FAF1: variants seen among roughly 807,000 people sequenced by gnomAD.
FAF1 encodes the protein Fas associated factor 1.
Under a neutral mutation model 92.5 loss-of-function variants are expected in FAF1, and 25 were observed. The ratio of observed to expected loss-of-function variants is 0.27; its 90% CI spans 0.20 to 0.38. FAF1 has a LOEUF of 0.38. Among genes scored for constraint, FAF1 ranks in the 10% least tolerant of loss-of-function variants. The pLI, the probability that FAF1 is intolerant of heterozygous loss-of-function variation, is 1.00. For missense variants in FAF1, 636 were observed against 793.3 expected (o/e 0.80, Z 2.38); for synonymous variants, 234 against 273.2 (o/e 0.86, Z 1.42).
chr1:50,664,681 C>A (rs1446596524), intron 7 of FAF1, among the ~76,000 whole-genome samples: 1 of 152,272 alleles, frequency 6.6e-6, no homozygotes, highest in South Asian at 2.1e-4. Context: ...GTAGTCCCAG[C>A]TACTCAGGAG....
chr1:50,688,078 G>T (rs1258698539), intron 7 of FAF1, among the ~76,000 whole-genome samples: 1 of 151,374 alleles, frequency 6.6e-6, no homozygotes, highest in African/African-American at 2.4e-5. Context: ...GAGCTTGCAG[G>T]GAGCCGAGAT....
chr1:50,727,831 T>A (rs922376720), intron 6 of FAF1, among the ~76,000 whole-genome samples: 4 of 152,184 alleles, frequency 2.6e-5, no homozygotes, highest in African/African-American at 9.7e-5. Flanking sequence ...AAGTTCAGAC[T>A]CCAAGTTCTT....
chr1:50,916,199 C>A (rs1023311679), intron 1 of FAF1, among the ~76,000 whole-genome samples: 4 of 152,142 alleles, frequency 2.6e-5, no homozygotes, highest in African/African-American at 9.7e-5. Flanking sequence ...AGGCACCATG[C>A]TAATTCTTAT....
intron 2 of FAF1, among the ~76,000 whole-genome samples, chr1:50,838,873 A>C (rs1015327819): frequency 6.6e-6 from 1 of 152,154 alleles, no homozygotes; most frequent in Non-Finnish European, 1.5e-5. Context: ...TGGCCAATCC[A>C]TCAGATGGTG....
At chr1:50,787,386 A>T (rs1200967582) in intron 4 of FAF1, among the ~76,000 whole-genome samples, 2 of 152,162 alleles carry the variant, frequency 1.3e-5, no homozygotes, top group African/African-American at 4.8e-5. Flanking sequence ...TAATGGGATT[A>T]GATGCCCTTA....
intron 8 of FAF1, among the ~76,000 whole-genome samples, chr1:50,628,876 G>A (rs774450580): frequency 3.3e-5 from 5 of 152,164 alleles, no homozygotes; most frequent in African/African-American, 1.2e-4. Context: ...CTACTACTAA[G>A]AGAGGCACAT....
chr1:50,472,125 G>C (rs1163894246), intron 18 of FAF1, among the ~76,000 whole-genome samples: 1 of 151,934 alleles, frequency 6.6e-6, no homozygotes, highest in African/African-American at 2.4e-5. Flanking sequence ...AGGGGAGCTG[G>C]GGGAGCTGGC....
chr1:50,876,676 C>T (rs1048238094), intron 1 of FAF1, among the ~76,000 whole-genome samples: 1 of 152,202 alleles, frequency 6.6e-6, no homozygotes, highest in Non-Finnish European at 1.5e-5. Context: ...ACCTCCGCCT[C>T]CCAGGTTCAA....
chr1:50,788,873 C>G (rs1294027256), intron 3 of FAF1, among the ~76,000 whole-genome samples: 1 of 152,088 alleles, frequency 6.6e-6, no homozygotes, highest in Non-Finnish European at 1.5e-5. Context: ...TCTCTGTTAT[C>G]CAGGCTGGAC....
At chr1:50,753,027 T>C (rs544280052) in intron 4 of FAF1, among the ~76,000 whole-genome samples, 2 of 152,324 alleles carry the variant, frequency 1.3e-5, no homozygotes, top group East Asian at 1.9e-4. Context: ...TAAGATGTGT[T>C]TAACGTAAAA....
At chr1:50,781,470 A>G (rs900431454) in intron 4 of FAF1, among the ~76,000 whole-genome samples, 1 of 152,234 alleles carries the variant, frequency 6.6e-6, no homozygotes. Context: ...CCATAAATAT[A>G]TATGCATCCA....
intron 13 of FAF1, among the ~76,000 whole-genome samples, chr1:50,555,288 C>T (rs994285507): frequency 1.4e-5 from 2 of 146,250 alleles, no homozygotes; most frequent in Admixed American, 1.3e-4. Flanking sequence ...CACACACACA[C>T]ACACACCCCC....
intron 18 of FAF1, among the ~76,000 whole-genome samples, chr1:50,462,974 G>T (rs1306984980): frequency 6.6e-6 from 1 of 152,186 alleles, no homozygotes; most frequent in Non-Finnish European, 1.5e-5. Flanking sequence ...TGAGAGGCCT[G>T]CTTACAAGGT....
intron 1 of FAF1, among the ~76,000 whole-genome samples, chr1:50,861,126 C>T (rs1338137584): frequency 6.6e-6 from 1 of 151,728 alleles, no homozygotes; most frequent in South Asian, 2.1e-4. Flanking sequence ...TGTTGAGTAC[C>T]TGAGTGACAA....
chr1:50,506,033 G>A (rs1308546576), intron 15 of FAF1, among the ~76,000 whole-genome samples: 1 of 152,212 alleles, frequency 6.6e-6, no homozygotes, highest in Non-Finnish European at 1.5e-5. Context: ...GCCTTTACAT[G>A]TGCCAATAGT....
At chr1:50,902,884 C>T (rs979083344) in intron 1 of FAF1, among the ~76,000 whole-genome samples, 1 of 152,058 alleles carries the variant, frequency 6.6e-6, no homozygotes, top group South Asian at 2.1e-4. Context: ...AAATGCCGAA[C>T]TCAAGAATAT....
At chr1:50,830,716 T>A (rs1644145278) in intron 2 of FAF1, among the ~76,000 whole-genome samples, 1 of 150,646 alleles carries the variant, frequency 6.6e-6, no homozygotes, top group South Asian at 2.1e-4. Flanking sequence ...AAATAAAAAA[T>A]AAACACATTT....
chr1:50,531,472 T>C (rs1443991456), intron 15 of FAF1, among the ~76,000 whole-genome samples: 1 of 152,154 alleles, frequency 6.6e-6, no homozygotes, highest in Non-Finnish European at 1.5e-5. Flanking sequence ...CATCTATTAT[T>C]TGGAATCAGG....
intron 6 of FAF1, among the ~76,000 whole-genome samples, chr1:50,718,723 TG>T (rs1658290915): frequency 6.6e-6 from 1 of 152,226 alleles, no homozygotes; most frequent in African/African-American, 2.4e-5. Flanking sequence ...AATGTGGTAT[TG>T]AATTTTTCAT....
Sources: allele counts gnomAD v4.1 joint callset (sites outside exome capture counted in the v4.1 genomes callset), GRCh38; gene constraint gnomAD v4.1.1; transcripts MANE v1.5; gene names NCBI Gene and HGNC (gene_info 2026-07-23, HGNC 2026-07-21).